MOCS1: variants seen among roughly 807,000 people sequenced by gnomAD.
The protein encoded by MOCS1 is molybdenum cofactor biosynthesis protein 1.
A neutral mutation model predicts 57.6 loss-of-function variants in MOCS1; 39 were observed. The observed-to-expected ratio is 0.68, with a 90% CI of 0.52 to 0.88. MOCS1 has a LOEUF of 0.88. Among genes scored for constraint, MOCS1 ranks in the 40% least tolerant of loss-of-function variants. The pLI is 0.00. For synonymous variants in MOCS1, 334 were observed against 335.7 expected (o/e 1.00, Z 0.05); for missense variants, 795 against 831.1 (o/e 0.96, Z 0.53).
In MOCS1 at chr6:39,905,817, A is replaced by G; in HGVS notation, c.*540T>C. On this transcript the variant is annotated 3_prime_UTR_variant, in exon 11 of 11. Transcript: ENST00000340692. ...CAGACTTGGGCAGAAGGAGAGATGA[A>G]GTCAGGACAGGACAGGACAGGGCAG... 1 of 469,164 alleles carries G rather than the reference A, an allele frequency of 2.1e-6. No homozygotes were observed. The highest frequency in any genetic ancestry group is 4.4e-6 in the Non-Finnish European group (1 of 226,962). 29.1% of individuals were successfully genotyped at this position (469,164 alleles called of 1,614,324 possible). A position where few individuals can be genotyped will look rare whatever the true frequency, so the allele number is the denominator to read the frequency against.
At chr6:39,916,784 A>G (rs2149407872) in intron 3 of MOCS1, among the ~76,000 whole-genome samples, 1 of 152,374 alleles carries the variant, frequency 6.6e-6, no homozygotes, top group East Asian at 1.9e-4. Flanking sequence ...TGCCGTAGAT[A>G]GCCCAGAAAG....
chr6:39,927,520 G>A (rs1768396058), intron 1 of MOCS1, 65 bp from the exon 2 acceptor site: 1 of 1,610,798 alleles, frequency 6.2e-7, no homozygotes, highest in Non-Finnish European at 8.5e-7. Flanking sequence ...GGCACAAGGA[G>A]AACCGCCTGC....
At chr6:39,908,465 A>T (rs531236299) in intron 10 of MOCS1, among the ~76,000 whole-genome samples, 1 of 152,162 alleles carries the variant, frequency 6.6e-6, no homozygotes, top group Non-Finnish European at 1.5e-5. Flanking sequence ...TTTTGTTTGA[A>T]GCATCCTACA....
Position 39,905,440 on chromosome 6 carries a change from T to C in MOCS1, c.*917A>G, listed in dbSNP as rs1303385908. The C allele has an allele frequency of 1.9e-5, 9 of 470,774 alleles. No homozygotes were observed. The Admixed American group carries it at 2.1e-4, about 11-fold the overall frequency. The allele number at this position is 470,774 out of a possible 1,614,324, so 29.2% of individuals were successfully genotyped here. A position where few individuals can be genotyped will look rare whatever the true frequency, so the allele number is the denominator to read the frequency against. On this transcript the variant is annotated 3_prime_UTR_variant, in exon 11 of 11. Coordinates refer to ENST00000340692, the MANE Select transcript of MOCS1 (RefSeq NM_001358530.2). The stretch of plus-strand genomic sequence containing the variant: ...GAACTGTGTCTTGGGATAGGATTGA[T>C]TGATTGATTGATAGGTGCAGCCTTC...
chr6:39,930,873 T>G (rs376738306), intron 1 of MOCS1, among the ~76,000 whole-genome samples: 3 of 152,232 alleles, frequency 2.0e-5, no homozygotes, highest in Non-Finnish European at 2.9e-5. Context: ...GAAACCTTAG[T>G]TTCCTCATCT....
intron 2 of MOCS1, 24 bp from the exon 3 acceptor site, chr6:39,925,869 G>A (rs1322766156): frequency 4.4e-6 from 7 of 1,599,458 alleles, no homozygotes; most frequent in Non-Finnish European, 6.0e-6. Flanking sequence ...GAATGGGAAT[G>A]TGGAGGGAGG....
In MOCS1 at chr6:39,906,595, G is replaced by A. The variant is rs746951739; in HGVS notation, c.1673C>T (p.Ala558Val). 6.2e-6 allele frequency: 10 copies of A among 1,613,842 alleles called. No homozygotes were observed. The highest frequency in any genetic ancestry group is 7.6e-6 in the Non-Finnish European group (9 of 1,180,038). ...CAGCTGCACCTGGATGTGGCTCAGG[G>A]CCACGTGGTGGCACAGAGGGATCAG... The part of the protein sequence containing the change: ...SQLIPLCHHV[A>V]LSHIQVQLEL... Residue 558 changes from alanine to valine, a missense_variant, in exon 11 of 11, where the codon GCC becomes GTC. By Grantham distance (64) the Ala-to-Val change is moderately conservative (BLOSUM62 0). Around this residue, in one of 3 missense-constraint regions of MOCS1, gnomAD observed 374 missense variants for 422.6 expected, o/e 0.89. Coordinates refer to ENST00000340692, the MANE Select transcript of MOCS1 (RefSeq NM_001358530.2).
At chr6:39,909,605 G>A (rs578192388) in intron 9 of MOCS1, among the ~76,000 whole-genome samples, 16 of 152,194 alleles carry the variant, frequency 1.1e-4, no homozygotes, top group Admixed American at 1.0e-3. Flanking sequence ...AGAATCTGGG[G>A]TCCCCTCTCC....
rs1413170825 is a variant in MOCS1, at chr6:39,912,277, T to A, written c.968A>T (p.Asp323Val). The change falls in exon 8 of 11, where the codon GAT becomes GTT. Residue 323 changes from aspartate to valine, a missense_variant. Asp to Val is a radical substitution (Grantham distance 152, BLOSUM62 -3). Coordinates refer to ENST00000340692, the MANE Select transcript of MOCS1 (RefSeq NM_001358530.2). ...GTCNRLRITA[D>V]GNLKVCLFGN... ...GGGGATGCTCACCTTGAGGTTCCCA[T>A]CAGCTGTGATTCGCAGGCGGTTGCA... 1 of 1,612,234 alleles carries A rather than the reference T, an allele frequency of 6.2e-7. No individual in the cohort carries two copies. Among genetic ancestry groups the A allele is most frequent in the South Asian group, 1.1e-5 (1 of 91,006 alleles).
At chr6:39,925,228 G>A (rs1768209083) in intron 3 of MOCS1, among the ~76,000 whole-genome samples, 1 of 152,162 alleles carries the variant, frequency 6.6e-6, no homozygotes, top group Non-Finnish European at 1.5e-5. Context: ...GGATGGTTGA[G>A]GAAGGCCTTG....
chr6:39,911,155 C>A (rs527338698), intron 8 of MOCS1, among the ~76,000 whole-genome samples: 1 of 152,288 alleles, frequency 6.6e-6, no homozygotes, highest in South Asian at 2.1e-4. Flanking sequence ...AGAATCCCAC[C>A]TTCCATTTCC....
intron 8 of MOCS1, among the ~76,000 whole-genome samples, chr6:39,911,209 A>C (rs894854669): frequency 8.5e-5 from 13 of 152,148 alleles, no homozygotes; most frequent in African/African-American, 3.1e-4. Flanking sequence ...AGTCCAAGTC[A>C]ATTCCGTATC....
rs772980797 is a variant in MOCS1, at chr6:39,916,199, A to G, written c.452T>C (p.Ile151Thr). The G allele has an allele frequency of 4.3e-6, 7 of 1,613,852 alleles. No homozygotes were observed. Among genetic ancestry groups the G allele is most frequent in the East Asian group, 2.2e-5 (1 of 44,860 alleles). Residue 151 changes from isoleucine to threonine, a missense_variant, in exon 4 of 11, where the codon ATA becomes ACA. By Grantham distance (89) the Ile-to-Thr change is moderately conservative. Around this residue, in one of 3 missense-constraint regions of MOCS1, gnomAD observed 416 missense variants for 392.4 expected, o/e 1.06. Transcript: ENST00000340692. ...QLQRLEGLRTIGVTTNGINLA... is the reference protein window; with the variant it reads ...QLQRLEGLRTTGVTTNGINLA... Reference sequence around the variant, plus strand: ...GTTGATGCCATTGGTGGTAACACCTATGGTTCTCAGCCCTTCCAGCCGCTG... The same window carrying G: ...GTTGATGCCATTGGTGGTAACACCTGTGGTTCTCAGCCCTTCCAGCCGCTG...
At chr6:39,908,603 G>A (rs1381798133) in intron 10 of MOCS1, among the ~76,000 whole-genome samples, 1 of 152,202 alleles carries the variant, frequency 6.6e-6, no homozygotes. Context: ...GATCTGCCCA[G>A]CACAGACGTC....
At chr6:39,913,217 A>T in intron 6 of MOCS1, 100 bp downstream of exon 6, 1 of 1,061,522 alleles carries the variant, frequency 9.4e-7, no homozygotes, top group Non-Finnish European at 1.5e-6. Flanking sequence ...TCCTAGACTC[A>T]CTGCCCCTGA....
rs765783681 is a variant in MOCS1 at position 39,904,447 on chromosome 6, C to G, written c.*1910G>C. Reference sequence around the variant, plus strand: ...CTTAATAGGTTGTTTCTTGGTCTTGCTTTCTTCATGCCCTCCCCACTGCTC... The same window carrying G: ...CTTAATAGGTTGTTTCTTGGTCTTGGTTTCTTCATGCCCTCCCCACTGCTC... On this transcript the variant is annotated 3_prime_UTR_variant, in exon 11 of 11. Coordinates refer to ENST00000340692, the MANE Select transcript of MOCS1 (RefSeq NM_001358530.2). 42 of 454,574 alleles carry G rather than the reference C, an allele frequency of 9.2e-5. No homozygotes were observed. The highest frequency in any genetic ancestry group is 6.4e-4 in the South Asian group (41 of 64,486). The allele number at this position is 454,574 out of a possible 1,614,324, so 28.2% of individuals were successfully genotyped here.
Position 39,934,410 on chromosome 6 carries a change from G to C in MOCS1, c.8C>G (p.Ala3Gly), listed in dbSNP as rs1299943727. 2 of 1,566,880 alleles carry C rather than the reference G, an allele frequency of 1.3e-6. No homozygotes were observed. The highest frequency in any genetic ancestry group is 1.7e-6 in the Non-Finnish European group (2 of 1,161,780). ...CCGCAGCATCCGGGACAGTGGCCGC[G>C]CCGCCATGAAGCCTGATACGAGCGG... MAARPLSRMLRRL... is the reference protein window; with the variant it reads MAGRPLSRMLRRL... The change falls in exon 1 of 11, where the codon GCG (alanine) becomes GGG (glycine). Residue 3 changes from alanine to glycine, a missense_variant. Ala to Gly is a moderately conservative substitution (Grantham distance 60). Coordinates refer to ENST00000340692, the MANE Select transcript of MOCS1 (RefSeq NM_001358530.2).
At position 39,928,671 on chromosome 6, in the gene MOCS1, C is replaced by T. The variant is rs143522772; in HGVS notation, c.124-1216G>A. ...TTTCTGCAGTAGGTATGACCTGGTA[C>T]ACTGTGAAAGTCCCTTAACTTCTCC... On this transcript the variant is annotated intron_variant, in intron 1 of 10. Coordinates refer to ENST00000340692, the MANE Select transcript of MOCS1 (RefSeq NM_001358530.2). Among the ~76,000 whole-genome samples, 49 of 152,306 alleles carry T rather than the reference C, an allele frequency of 3.2e-4. No homozygotes were observed. The East Asian group carries it at 8.5e-3, about 26-fold the overall frequency.
rs529270555 is a variant in MOCS1 at position 39,925,081 on chromosome 6, AAAAC to A, written c.418+593_418+596del. The stretch of plus-strand genomic sequence containing the variant: ...GGTGACAGAGCGAGACTCTATCTCA[AAAAC>A]AAACAAACAAACAAACAACACTCAG... On this transcript the variant is annotated intron_variant, in intron 3 of 10. Coordinates refer to ENST00000340692, the MANE Select transcript of MOCS1 (RefSeq NM_001358530.2). Among the ~76,000 whole-genome samples, 9 of 152,310 alleles carry A rather than the reference AAAAC, an allele frequency of 5.9e-5. 1 individual carries two copies. In the South Asian group the frequency reaches 1.2e-3, roughly 21 times the overall value.
Sources: gnomAD v4.1 joint callset for allele counts (sites outside exome capture counted in the v4.1 genomes callset) on GRCh38, gnomAD v4.1.1 for gene constraint, gnomAD v4.1.1 regional missense constraint, MANE v1.5 for transcripts, NCBI Gene and HGNC (gene_info 2026-07-23, HGNC 2026-07-21) for gene names.